Variants in F5 observed in about 807,000 individuals in gnomAD.
F5 encodes the protein activated protein c cofactor.
In F5, 138 loss-of-function variants were observed where a neutral mutation model predicts 216.4. That is an observed-to-expected ratio of 0.64 (90% CI 0.56 to 0.73). F5 has a LOEUF of 0.73. F5 is among the 30% of genes least tolerant of loss of function. The pLI is 0.00. For synonymous variants in F5, 916 were observed against 930.7 expected (o/e 0.98, Z 0.29); for missense variants, 2,403 against 2,674.0 (o/e 0.90, Z 2.24).
chr1:169,560,915 A>G, intron 3 of F5, 149 bp from the exon 4 acceptor site: 1 of 720,274 alleles, frequency 1.4e-6, no homozygotes, highest in Non-Finnish European at 2.5e-6. Context: ...AGATTCACAT[A>G]TGCCCATTTC....
rs1012636999 is a variant in F5 at position 169,586,443 on chromosome 1, C to A, written c.-57G>T. ...ACCCCAGGACCTGGGCAGCGCTTGC[C>A]GAGCTGCTAACCACACTCCGGGCTG... On this transcript the variant is annotated 5_prime_UTR_variant, in exon 1 of 25. Transcript: ENST00000367797. The A allele has an allele frequency of 5.7e-6, 9 of 1,579,424 alleles. No homozygotes were observed. The highest frequency in any genetic ancestry group is 4.6e-5 in the East Asian group (2 of 43,254).
intron 7 of F5, among the ~76,000 whole-genome samples, chr1:169,553,654 G>A (rs1001280152): frequency 9.2e-5 from 14 of 152,204 alleles, no homozygotes; most frequent in South Asian, 2.1e-4. Context: ...CCTGGGAGGC[G>A]GAGCTTGCAG....
intron 21 of F5, among the ~76,000 whole-genome samples, 170 bp from the exon 22 acceptor site, chr1:169,520,834 A>G (rs1312724869): frequency 6.6e-6 from 1 of 152,194 alleles, no homozygotes; most frequent in Non-Finnish European, 1.5e-5. Flanking sequence ...GGAAGATTGT[A>G]TATATGTACT....
At chr1:169,521,543 A>G (rs1659306686) in intron 21 of F5, among the ~76,000 whole-genome samples, 1 of 152,046 alleles carries the variant, frequency 6.6e-6, no homozygotes. Context: ...AGATTGGAGC[A>G]GGTATCGGTA....
chr1:169,550,690 C>A lies in F5; in HGVS notation c.1346G>T (p.Gly449Val), dbSNP rs753254754. 1 of 1,613,996 alleles carries A rather than the reference C, an allele frequency of 6.2e-7. No individual in the cohort carries two copies. The highest frequency in any genetic ancestry group is 2.2e-5 in the East Asian group (1 of 44,858). The change falls in exon 9 of 25, where the codon GGA becomes GTA. Residue 449 changes from glycine (G) to valine (V), a missense_variant. Around this residue, in one of 4 missense-constraint regions of F5, gnomAD observed 1,425 missense variants for 1,554.8 expected, o/e 0.92. Transcript: ENST00000367797. ...ATCTTCATAAGGCGAGAAGGTCACT[C>A]CATGAGGGTAAATGCTATAGGGGCG... ...ASRPYSIYPHGVTFSPYEDEV... is the reference protein window; with the variant it reads ...ASRPYSIYPHVVTFSPYEDEV...
At chr1:169,554,414 T>C (rs749248974) in intron 7 of F5, among the ~76,000 whole-genome samples, 3 of 152,218 alleles carry the variant, frequency 2.0e-5, no homozygotes, top group Non-Finnish European at 4.4e-5. Context: ...TAGTATTCCA[T>C]TGTATGAATG....
At chr1:169,528,196 T>A in intron 16 of F5, 102 bp from the exon 17 acceptor site, 1 of 1,421,822 alleles carries the variant, frequency 7.0e-7, no homozygotes, top group Non-Finnish European at 9.7e-7. Flanking sequence ...ATGTTCCTCA[T>A]GATTCTGCAT....
chr1:169,550,569 A>G, intron 9 of F5, 71 bp downstream of exon 9: 1 of 1,156,552 alleles, frequency 8.6e-7, no homozygotes, highest in Non-Finnish European at 1.3e-6. Context: ...CCGGGCAAGG[A>G]GAATAGCAGA....
chr1:169,514,383 C>T lies in F5; in HGVS notation c.6605G>A (p.Arg2202His). ...FNPPIISRFI[R>H]VIPKTWNQSI... ...TTGATTCCATGTTTTAGGAATGACA[C>T]GGATAAACCTGGAAATGATTGGGGG... The change falls in exon 25 of 25, where the codon CGT (arginine) becomes CAT (histidine). Residue 2202 changes from arginine to histidine, a missense_variant. Physicochemically the swap from Arg to His is conservative, Grantham distance 29. Coordinates refer to ENST00000367797, the MANE Select transcript of F5 (RefSeq NM_000130.5). 3.1e-6 allele frequency: 5 copies of T among 1,612,872 alleles called. No homozygotes were observed. The highest frequency in any genetic ancestry group is 1.3e-5 in the African/African-American group (1 of 74,922).
At chr1:169,532,630 C>CCACA (rs150039090) in intron 14 of F5, among the ~76,000 whole-genome samples, 60,565 of 151,578 alleles carry the variant, frequency 0.4, 13,060 homozygotes, top group East Asian at 0.9. Context: ...TTAAACATAG[C>CCACA]CACACACACA....
At position 169,530,838 on chromosome 1, in the gene F5, T is replaced by C; in HGVS notation, c.5156A>G (p.Glu1719Gly). ...VWHATERSGP[E>G]SPGSACRAWA... ...AGCCCGACAGGCAGAGCCAGGACTTTCTGGCCCTGATCGCTCAGTGGCATG... is the reference window on the plus strand; with the variant it reads ...AGCCCGACAGGCAGAGCCAGGACTTCCTGGCCCTGATCGCTCAGTGGCATG... Residue 1719 changes from glutamate (E) to glycine (G), a missense_variant, in exon 15 of 25, where the codon GAA becomes GGA. This residue lies in a region of F5 where 659 missense variants were observed against 787.9 expected (regional missense o/e 0.84). Coordinates refer to ENST00000367797, the MANE Select transcript of F5 (RefSeq NM_000130.5). The C allele has an allele frequency of 1.2e-6, 2 of 1,613,978 alleles. No homozygotes were observed. The highest frequency in any genetic ancestry group is 1.7e-6 in the Non-Finnish European group (2 of 1,179,850).
chr1:169,533,130 C>A (rs960594658), intron 14 of F5, among the ~76,000 whole-genome samples: 2 of 151,880 alleles, frequency 1.3e-5, no homozygotes, highest in African/African-American at 4.8e-5. Context: ...ACAACAACAA[C>A]AAAAAACAAG....
rs1282141918 is a variant in F5, at chr1:169,514,174, T to C, written c.*139A>G. On this transcript the variant is annotated 3_prime_UTR_variant, in exon 25 of 25. Coordinates refer to ENST00000367797, the MANE Select transcript of F5 (RefSeq NM_000130.5). ...AGTTACATTATAAAAGCTTCTTGTATAAAATTTTATTCACTAATAGAAAAG... is the reference window on the plus strand; with the variant it reads ...AGTTACATTATAAAAGCTTCTTGTACAAAATTTTATTCACTAATAGAAAAG... 1 of 855,282 alleles carries C rather than the reference T, an allele frequency of 1.2e-6. No individual in the cohort carries two copies. Among genetic ancestry groups the C allele is most frequent in the East Asian group, 2.6e-5 (1 of 38,270 alleles). The allele number at this position is 855,282 out of a possible 1,614,324, so 53.0% of individuals were successfully genotyped here.
intron 9 of F5, 118 bp from the exon 10 acceptor site, chr1:169,550,133 A>AT (rs1018448979): frequency 1.4e-4 from 116 of 836,268 alleles, no homozygotes; most frequent in South Asian, 7.7e-4. Flanking sequence ...TTTTATTTTT[A>AT]TTTTTTTTAA....
rs1318995804 is a variant in F5 at position 169,572,239 on chromosome 1, A to T, written c.355T>A (p.Tyr119Asn). ...PLSIHPQGIR[Y>N]SKLSEGASYL... ...ATCTTACCTTCTGATAATTTACTGT[A>T]CCTAATTCCTTGAGGATGGATGCTC... The change falls in exon 3 of 25, where the codon TAC (tyrosine) becomes AAC (asparagine). Residue 119 changes from tyrosine to asparagine, a missense_variant. Transcript: ENST00000367797. 3.1e-6 allele frequency: 5 copies of T among 1,612,778 alleles called. No homozygotes were observed. Among genetic ancestry groups the T allele is most frequent in the Non-Finnish European group, 4.2e-6 (5 of 1,179,484 alleles).
At position 169,541,498 on chromosome 1, in the gene F5, C is replaced by A. The variant is rs1256362166; in HGVS notation, c.3592G>T (p.Glu1198Ter). The change falls in exon 13 of 25, where the codon GAA becomes TAA. Residue 1198 changes from glutamate (E) to a stop codon, truncating the protein, a stop_gained. Transcript: ENST00000367797. LOFTEE classifies it high-confidence loss of function. ...GGAGAGAGGTTTGTCTGGCTGAGTT[C>A]TGGAGAGAGGGTCACCTGGCTGAGG... is the stretch of plus-strand genomic sequence containing the variant. ...PDLSQVTLSP[E>*]LSQTNLSPDL... 4.3e-6 allele frequency: 7 copies of A among 1,613,890 alleles called. No individual in the cohort carries two copies. The highest frequency in any genetic ancestry group is 5.9e-6 in the Non-Finnish European group (7 of 1,179,990).
At chr1:169,573,859 A>G (rs1243538048) in intron 2 of F5, among the ~76,000 whole-genome samples, 1 of 152,184 alleles carries the variant, frequency 6.6e-6, no homozygotes, top group African/African-American at 2.4e-5. Flanking sequence ...GAGTTAGGGA[A>G]AAAGTTGATG....
In F5 at chr1:169,518,453, G is replaced by A. The variant is rs118203910; in HGVS notation, c.6304C>T (p.Arg2102Cys). ...WGDYWEPFRA[R>C]LNAQGRVNAW... ...TTCACACGTCCCTGGGCATTCAGAC[G>A]GGCACGGAAGGGTTCCCAGTAATCT... Residue 2102 changes from arginine to cysteine, a missense_variant, in exon 23 of 25, where the codon CGT becomes TGT. Coordinates refer to ENST00000367797, the MANE Select transcript of F5 (RefSeq NM_000130.5). 11 of 1,613,722 alleles carry A rather than the reference G, an allele frequency of 6.8e-6. No homozygotes were observed. The highest frequency in any genetic ancestry group is 3.3e-5 in the Admixed American group (2 of 59,990).
chr1:169,525,779 A>G, intron 18 of F5, 122 bp downstream of exon 18: 1 of 789,236 alleles, frequency 1.3e-6, no homozygotes, highest in South Asian at 1.3e-5. Flanking sequence ...AATTATGGCT[A>G]CAAATTATGC....
Sources: gnomAD v4.1 joint callset for allele counts (sites outside exome capture counted in the v4.1 genomes callset) on GRCh38, gnomAD v4.1.1 for gene constraint, gnomAD v4.1.1 regional missense constraint, MANE v1.5 for transcripts, NCBI Gene and HGNC (gene_info 2026-07-23, HGNC 2026-07-21) for gene names.